The following AR variants were observed in gnomAD, a reference collection of about 807,000 sequenced individuals.
The protein encoded by AR is androgen receptor.
AR carries 8 observed loss-of-function variants against 53.9 expected under a neutral mutation model. The observed-to-expected ratio is 0.15, with a 90% CI of 0.09 to 0.27. AR has a LOEUF of 0.27. Among genes scored for constraint, AR ranks in the 10% least tolerant of loss-of-function variants. The probability of loss-of-function intolerance (pLI) is 1.00; values close to 1 mark genes in which losing one functional copy is unlikely to be tolerated. For missense variants in AR, 639 were observed against 742.5 expected, an observed-to-expected ratio of 0.86 and a Z score of 1.62; for synonymous variants, 359 against 316.4, an observed-to-expected ratio of 1.13 and a Z score of -1.43.
At chrX:67,722,413 G>A (rs781250509) in intron 6 of AR, among the ~76,000 whole-genome samples, 3 of 111,846 alleles carry the variant, frequency 2.7e-5, no homozygotes, top group Non-Finnish European at 5.6e-5. Flanking sequence ...TGGCAGCCAA[G>A]GAACTTTTCT....
chrX:67,658,350 A>C (rs1461294735), intron 2 of AR, among the ~76,000 whole-genome samples: 1 of 112,392 alleles, frequency 8.9e-6, no homozygotes, highest in Non-Finnish European at 1.9e-5. Context: ...AGGGAAAAAG[A>C]AGCAGAGGAA....
chrX:67,616,041 T>C (rs1044064825), intron 1 of AR, among the ~76,000 whole-genome samples: 1 of 111,407 alleles, frequency 9.0e-6, no homozygotes, highest in African/African-American at 3.3e-5. Flanking sequence ...AAAGTTTTTA[T>C]AACCTACTGG....
intron 2 of AR, among the ~76,000 whole-genome samples, chrX:67,664,632 C>G (rs900459056): frequency 8.9e-6 from 1 of 112,149 alleles, no homozygotes; most frequent in Non-Finnish European, 1.9e-5. Flanking sequence ...AACCACTACT[C>G]TCTTCAAAGC....
At chrX:67,577,098 C>G (rs1005808027) in intron 1 of AR, among the ~76,000 whole-genome samples, 4 of 106,783 alleles carry the variant, frequency 3.7e-5, no homozygotes, top group African/African-American at 6.9e-5. Flanking sequence ...AACCCTCTGC[C>G]CATTAGCAGT....
At chrX:67,581,778 G>GA (rs748386510) in intron 1 of AR, among the ~76,000 whole-genome samples, 2 of 111,700 alleles carry the variant, frequency 1.8e-5, no homozygotes, top group East Asian at 5.6e-4. Flanking sequence ...AGGTATGTGA[G>GA]AAAAAAGCAG....
chrX:67,724,075 G>T lies in AR; in HGVS notation c.*234G>T, dbSNP rs1160962868. 5 of 419,487 alleles carry T rather than the reference G, an allele frequency of 1.2e-5. No homozygotes were observed. In the South Asian group the frequency reaches 1.4e-4, roughly 12 times the overall value. 34.6% of individuals were successfully genotyped at this position (419,487 alleles called of 1,213,427 possible). On this transcript the variant is annotated 3_prime_UTR_variant, in exon 8 of 8. Coordinates refer to ENST00000374690, the MANE Select transcript of AR (RefSeq NM_000044.6). ...CCCTCCCATGGCACCTTCAGACTTTGCTTCCCATTGTGGCTCCTATCTGTG... is the reference window on the plus strand; with the variant it reads ...CCCTCCCATGGCACCTTCAGACTTTTCTTCCCATTGTGGCTCCTATCTGTG...
chrX:67,663,380 A>T (rs1402516831), intron 2 of AR, among the ~76,000 whole-genome samples: 1 of 111,773 alleles, frequency 8.9e-6, no homozygotes, highest in Non-Finnish European at 1.9e-5. Context: ...TCCTTCACCT[A>T]TGAAGGTTAG....
chrX:67,567,724 A>G (rs1921615729), intron 1 of AR, among the ~76,000 whole-genome samples: 1 of 112,173 alleles, frequency 8.9e-6, no homozygotes, highest in South Asian at 3.7e-4. Flanking sequence ...AACAGTTCTG[A>G]GTCAGAGTTC....
Position 67,659,360 on chromosome X carries a change from TTCCCCTC to T in AR, c.1768+15966_1768+15972del, listed in dbSNP as rs754563055. Among the ~76,000 whole-genome samples, 6 of 110,864 alleles carry T rather than the reference TTCCCCTC, an allele frequency of 5.4e-5. No individual in the cohort carries two copies. The South Asian group carries it at 2.3e-3, about 43-fold the overall frequency. On this transcript the variant is annotated intron_variant, in intron 2 of 7. Coordinates refer to ENST00000374690, the MANE Select transcript of AR (RefSeq NM_000044.6). ...TTAGGTATATCTCCTAATGCTATCC[TTCCCCTC>T]TCCCCTCTCCCCACCACAGGCCCTA...
chrX:67,570,251 G>T (rs1921755029), intron 1 of AR, among the ~76,000 whole-genome samples: 1 of 112,254 alleles, frequency 8.9e-6, no homozygotes, highest in South Asian at 3.7e-4. Flanking sequence ...ATTGGCTTCT[G>T]TCTGTGTCTG....
chrX:67,599,427 G>A lies in AR; in HGVS notation c.1617-43829G>A, dbSNP rs140583342. ...GACTGAATTTAGGCCACTTGATTGA[G>A]AAAGGCCATTTTGGGTAATTATAAA... On this transcript the variant is annotated intron_variant, in intron 1 of 7. Coordinates refer to ENST00000374690, the MANE Select transcript of AR (RefSeq NM_000044.6). 3.5e-3 allele frequency among the ~76,000 whole-genome samples: 388 copies of A among 112,035 alleles called. 1 individual carries two copies. Among genetic ancestry groups the A allele is most frequent in the Middle Eastern group, 9.2e-3 (2 of 217 alleles).
At chrX:67,703,361 TA>T (rs747448900) in intron 3 of AR, among the ~76,000 whole-genome samples, 12 of 112,291 alleles carry the variant, frequency 1.1e-4, no homozygotes, top group Non-Finnish European at 1.9e-4. Context: ...TAGTACAAAG[TA>T]AGCATCGGAA....
intron 4 of AR, among the ~76,000 whole-genome samples, chrX:67,714,111 T>C (rs1030376399): frequency 2.7e-5 from 3 of 111,846 alleles, no homozygotes; most frequent in Non-Finnish European, 5.6e-5. Context: ...TAATAAATGA[T>C]AACTGTTAAT....
intron 1 of AR, chrX:67,568,849 C>T: frequency 8.6e-7 from 1 of 1,157,400 alleles, no homozygotes; most frequent in Non-Finnish European, 1.2e-6. Context: ...GTGCTGCGAG[C>T]AGAGAGGGAT....
At chrX:67,685,668 GTTCC>G (rs2075962190) in intron 2 of AR, among the ~76,000 whole-genome samples, 1 of 111,484 alleles carries the variant, frequency 9.0e-6, no homozygotes, top group African/African-American at 3.3e-5. Context: ...GGGGTGACAA[GTTCC>G]ACAATGGATC....
chrX:67,729,678 G>A lies in AR; in HGVS notation c.*5837G>A, dbSNP rs1265926225. 5.8e-6 allele frequency: 1 copy of A among 172,387 alleles called. No individual in the cohort carries two copies. The highest frequency in any genetic ancestry group is 1.1e-5 in the Non-Finnish European group (1 of 90,769). The allele number at this position is 172,387 out of a possible 1,213,427, so 14.2% of individuals were successfully genotyped here. A position where few individuals can be genotyped will look rare whatever the true frequency, so the allele number is the denominator to read the frequency against. On this transcript the variant is annotated 3_prime_UTR_variant, in exon 8 of 8. Coordinates refer to ENST00000374690, the MANE Select transcript of AR (RefSeq NM_000044.6). The stretch of plus-strand genomic sequence containing the variant: ...GTGACCTGAAACACTTCCCACATAA[G>A]CTACTTAACAAGATTGTCATGGAGC...
intron 1 of AR, among the ~76,000 whole-genome samples, chrX:67,569,271 C>T (rs997903727): frequency 1.8e-5 from 2 of 110,073 alleles, no homozygotes; most frequent in African/African-American, 6.6e-5. Context: ...GCACTTAATT[C>T]GCTATGATAA....
intron 2 of AR, among the ~76,000 whole-genome samples, chrX:67,677,338 A>G (rs2075906052): frequency 8.9e-6 from 1 of 111,834 alleles, no homozygotes; most frequent in African/African-American, 3.3e-5. Flanking sequence ...AGATAGATTA[A>G]TCAATCATTC....
chrX:67,556,005 T>C (rs1394833060), intron 1 of AR, among the ~76,000 whole-genome samples: 2 of 112,640 alleles, frequency 1.8e-5, no homozygotes, highest in East Asian at 5.6e-4. Flanking sequence ...TTTTAATACC[T>C]TTCTTTGCAT....
Sources: allele counts gnomAD v4.1 joint callset (sites outside exome capture counted in the v4.1 genomes callset), GRCh38; gene constraint gnomAD v4.1.1; transcripts MANE v1.5; gene names NCBI Gene and HGNC (gene_info 2026-07-23, HGNC 2026-07-21).